Variants in EXOC2 observed in about 807,000 individuals in gnomAD.
EXOC2 encodes the protein SEC5-like 1.
A neutral mutation model predicts 131.8 loss-of-function variants in EXOC2; 70 were observed. That is an observed-to-expected ratio of 0.53 (90% CI 0.44 to 0.65). EXOC2 has a LOEUF of 0.65. Among genes scored for constraint, EXOC2 ranks in the 30% least tolerant of loss-of-function variants. EXOC2 has a pLI of 0.00. For synonymous variants in EXOC2, 411 were observed against 398.4 expected (o/e 1.03, Z -0.38); for missense variants, 923 against 1,108.6 (o/e 0.83, Z 2.38).
In EXOC2 at chr6:499,688, T is replaced by C. The variant is rs1414815830; in HGVS notation, c.2393A>G (p.Tyr798Cys). ...DCLPPTGVRNYLKEALVNIIA... is the reference protein window; with the variant it reads ...DCLPPTGVRNCLKEALVNIIA... ...TATATTCACCAGTGCTTCTTTTAAATAGTTTCTGACACCTGAAATTGAAAT... is the reference window on the plus strand; with the variant it reads ...TATATTCACCAGTGCTTCTTTTAAACAGTTTCTGACACCTGAAATTGAAAT... The change falls in exon 24 of 28, where the codon TAT (tyrosine) becomes TGT (cysteine). Residue 798 changes from tyrosine (Y) to cysteine (C), a missense_variant. Coordinates refer to ENST00000230449, the MANE Select transcript of EXOC2 (RefSeq NM_018303.6). 6.2e-6 allele frequency: 10 copies of C among 1,613,790 alleles called. No homozygotes were observed. The highest frequency in any genetic ancestry group is 8.5e-6 in the Non-Finnish European group (10 of 1,179,760).
chr6:597,041 A>G (rs896686460), intron 10 of EXOC2, among the ~76,000 whole-genome samples: 6 of 152,202 alleles, frequency 3.9e-5, no homozygotes, highest in African/African-American at 1.4e-4. Flanking sequence ...TACCATGTCC[A>G]TTTCAGATGA....
intron 11 of EXOC2, among the ~76,000 whole-genome samples, chr6:586,098 C>G (rs552443034): frequency 6.6e-6 from 1 of 152,142 alleles, no homozygotes; most frequent in Non-Finnish European, 1.5e-5. Context: ...CAATTTCTTA[C>G]GGTAGTAATT....
intron 22 of EXOC2, 51 bp downstream of exon 22, chr6:549,124 A>T: frequency 6.8e-7 from 1 of 1,481,172 alleles, no homozygotes; most frequent in Non-Finnish European, 9.4e-7. Flanking sequence ...ACAGCTTGAA[A>T]ACTGAGCTGG....
At chr6:560,506 A>C (rs184155526) in intron 17 of EXOC2, among the ~76,000 whole-genome samples, 1 of 152,364 alleles carries the variant, frequency 6.6e-6, no homozygotes, top group African/African-American at 2.4e-5. Context: ...TAATCTATTT[A>C]ATGCAGTCTA....
chr6:563,283 C>A (rs531547857), intron 16 of EXOC2, among the ~76,000 whole-genome samples: 1 of 152,150 alleles, frequency 6.6e-6, no homozygotes, highest in Admixed American at 6.5e-5. Context: ...TAAGGGAATG[C>A]CACCTGCTCA....
chr6:658,846 A>T (rs201158011), intron 1 of EXOC2, among the ~76,000 whole-genome samples: 1 of 151,382 alleles, frequency 6.6e-6, no homozygotes, highest in East Asian at 1.9e-4. Context: ...ATTTTTAGTA[A>T]AGACGAGGTT....
At position 516,680 on chromosome 6, in the gene EXOC2, A is replaced by G. The variant is rs60436716; in HGVS notation, c.2380+15789T>C. On this transcript the variant is annotated intron_variant, in intron 23 of 27. Coordinates refer to ENST00000230449, the MANE Select transcript of EXOC2 (RefSeq NM_018303.6). ...TGGGCTGGGGGAAGAGGATGCCAAG[A>G]CGGTAGCATCTACGCAAGTATCTGT... Among the ~76,000 whole-genome samples, 427 of 152,368 alleles carry G rather than the reference A, an allele frequency of 2.8e-3. 3 individuals are homozygous for G. Among genetic ancestry groups the G allele is most frequent in the African/African-American group, 9.8e-3 (406 of 41,586 alleles).
intron 17 of EXOC2, among the ~76,000 whole-genome samples, chr6:557,942 G>A (rs533002052): frequency 6.7e-4 from 102 of 151,992 alleles, no homozygotes; most frequent in Non-Finnish European, 1.3e-3. Flanking sequence ...CCGGAGCAGC[G>A]AGACAAGAGC....
At chr6:589,496 C>T (rs1369792917) in intron 11 of EXOC2, among the ~76,000 whole-genome samples, 1 of 152,252 alleles carries the variant, frequency 6.6e-6, no homozygotes, top group Non-Finnish European at 1.5e-5. Context: ...GACTTCCCCT[C>T]AACCGGACTG....
chr6:572,381 G>A, intron 13 of EXOC2, 139 bp downstream of exon 13: 1 of 1,101,274 alleles, frequency 9.1e-7, no homozygotes, highest in Non-Finnish European at 1.3e-6. Context: ...GCTTTATAAT[G>A]CTTTAACTGA....
intron 11 of EXOC2, among the ~76,000 whole-genome samples, chr6:579,258 T>C (rs1392975984): frequency 6.6e-6 from 1 of 152,220 alleles, no homozygotes; most frequent in Non-Finnish European, 1.5e-5. Context: ...ACCATTTGTA[T>C]AGTTTAAGTA....
At chr6:531,391 G>GA (rs113779708) in intron 23 of EXOC2, among the ~76,000 whole-genome samples, 14 of 130,872 alleles carry the variant, frequency 1.1e-4, no homozygotes, top group South Asian at 2.2e-4. Flanking sequence ...TTTGGGCACA[G>GA]AAAGTGTGTG....
chr6:637,036 T>C (rs1329214791), intron 2 of EXOC2, among the ~76,000 whole-genome samples: 1 of 152,190 alleles, frequency 6.6e-6, no homozygotes, highest in African/African-American at 2.4e-5. Flanking sequence ...GGCCGCCACA[T>C]CATGGAAGGA....
intron 1 of EXOC2, among the ~76,000 whole-genome samples, chr6:668,763 T>C (rs1192840304): frequency 6.6e-6 from 1 of 152,194 alleles, no homozygotes; most frequent in Non-Finnish European, 1.5e-5. Context: ...TAAAATTGCA[T>C]AGTATTTGCA....
chr6:547,687 C>CT (rs1756938886), intron 22 of EXOC2, among the ~76,000 whole-genome samples: 1 of 152,116 alleles, frequency 6.6e-6, no homozygotes, highest in Non-Finnish European at 1.5e-5. Context: ...AGTTTACTAT[C>CT]TATTCATTCT....
intron 4 of EXOC2, among the ~76,000 whole-genome samples, chr6:623,709 A>G (rs964629525): frequency 4.0e-5 from 6 of 151,740 alleles, no homozygotes; most frequent in Non-Finnish European, 7.4e-5. Flanking sequence ...CCATAAGCCA[A>G]CCGCGCTTGT....
chr6:678,243 G>A (rs1562006159), intron 1 of EXOC2, among the ~76,000 whole-genome samples: 1 of 152,098 alleles, frequency 6.6e-6, no homozygotes, highest in Non-Finnish European at 1.5e-5. Context: ...AGAGTCAGAA[G>A]GCAGAAATTC....
rs753726305 is a variant in EXOC2 at position 549,261 on chromosome 6, A to G, written c.2152T>C (p.Cys718Arg). 38 of 1,614,100 alleles carry G rather than the reference A, an allele frequency of 2.4e-5. No individual in the cohort carries two copies. The highest frequency in any genetic ancestry group is 3.1e-5 in the Non-Finnish European group (37 of 1,180,016). ...AAGGTGTGACGTTCTAGATAGCAGC[A>G]ATTACTTAGGACTATCAAAAGGCGC... ...EQRLLIVLSN[C>R]CYLERHTFLN... The change falls in exon 22 of 28, where the codon TGC (cysteine) becomes CGC (arginine). Residue 718 changes from cysteine to arginine, a missense_variant. Coordinates refer to ENST00000230449, the MANE Select transcript of EXOC2 (RefSeq NM_018303.6).
chr6:488,851 T>C (rs1343247383), intron 27 of EXOC2, 128 bp downstream of exon 27: 12 of 978,904 alleles, frequency 1.2e-5, no homozygotes, highest in Non-Finnish European at 1.8e-5. Flanking sequence ...GTATATCTGC[T>C]TATTCTGATT....
Sources: allele counts gnomAD v4.1 joint callset (sites outside exome capture counted in the v4.1 genomes callset), GRCh38; gene constraint gnomAD v4.1.1; transcripts MANE v1.5; gene names NCBI Gene and HGNC (gene_info 2026-07-23, HGNC 2026-07-21).